The following FNDC11 variants were observed in gnomAD, a reference collection of about 807,000 sequenced individuals.
The protein encoded by FNDC11 is fibronectin type III domain-containing protein 11.
Under a neutral mutation model 15.8 loss-of-function variants are expected in FNDC11, and 15 were observed. That is an observed-to-expected ratio of 0.95 (90% confidence interval 0.63 to 1.46). The LOEUF is 1.46. Among genes scored for constraint, FNDC11 ranks in the 40% most tolerant of loss-of-function variants. The pLI, the probability that FNDC11 is intolerant of heterozygous loss-of-function variation, is 0.00. For synonymous variants in FNDC11, 190 were observed against 203.1 expected (o/e 0.94, Z 0.55); for missense variants, 416 against 443.4 (o/e 0.94, Z 0.55).
upstream of FNDC11, chr20:63,553,097 T>G (rs750077903): frequency 1.3e-5 from 2 of 152,256 alleles, no homozygotes; most frequent in Non-Finnish European, 2.9e-5. Flanking sequence ...AGCATCTTCC[T>G]GAAGGTGAAG....
At chr20:63,554,710 T>TC (rs936770172) in intron 1 of FNDC11, 1 of 152,204 alleles carries the variant, frequency 6.6e-6, no homozygotes, top group Non-Finnish European at 1.5e-5. Context: ...GGGCAACCCT[T>TC]CCCGGGCAGA....
Position 63,556,676 on chromosome 20 carries a change from G to C in FNDC11, c.*56G>C. On this transcript the variant is annotated 3_prime_UTR_variant, in exon 2 of 2. Coordinates refer to ENST00000370097, the MANE Select transcript of FNDC11 (RefSeq NM_001319152.2). Reference sequence around the variant, plus strand: ...AAAGAAGAGTGTAAATGCACATATGGAATTAAAGAAGCAAACCTATTTATG... The same window carrying C: ...AAAGAAGAGTGTAAATGCACATATGCAATTAAAGAAGCAAACCTATTTATG... 1.4e-6 allele frequency: 2 copies of C among 1,475,124 alleles called. No homozygotes were observed. Among genetic ancestry groups the C allele is most frequent in the Admixed American group, 4.0e-5 (2 of 50,350 alleles). The allele number at this position is 1,475,124 out of a possible 1,614,324, so 91.4% of individuals were successfully genotyped here. A position where few individuals can be genotyped will look rare whatever the true frequency, so the allele number is the denominator to read the frequency against.
chr20:63,553,073 G>A (rs1408202752), upstream of FNDC11: 3 of 152,318 alleles, frequency 2.0e-5, no homozygotes, highest in Admixed American at 2.0e-4. Flanking sequence ...AGGATGGAAA[G>A]GGTGTCTTCC....
In FNDC11 at chr20:63,555,960, G is replaced by A; in HGVS notation, c.297G>A (p.Leu99=). The A allele has an allele frequency of 1.2e-6, 2 of 1,602,360 alleles. No individual in the cohort carries two copies. Among genetic ancestry groups the A allele is most frequent in the Non-Finnish European group, 1.7e-6 (2 of 1,179,950 alleles). The stretch of plus-strand genomic sequence containing the variant: ...ACCCGCTGGTGCTGCCTAGCGCCTT[G>A]TTCCAGCTCATCGACCCCTGGAAGT... ...DQNPLVLPSA[L]FQLIDPWKFQ... is the part of the protein sequence containing the mutation. Residue 99 remains leucine (L), a synonymous_variant, in exon 2 of 2, where the codon TTG becomes TTA. Coordinates refer to ENST00000370097, the MANE Select transcript of FNDC11 (RefSeq NM_001319152.2).
At position 63,556,126 on chromosome 20, in the gene FNDC11, G is replaced by A. The variant is rs779835677; in HGVS notation, c.463G>A (p.Asp155Asn). The A allele has an allele frequency of 1.6e-5, 26 of 1,594,758 alleles. No individual in the cohort carries two copies. The highest frequency in any genetic ancestry group is 6.7e-5 in the East Asian group (3 of 44,648). ...GCCAGACCCACGGCCCTTCCTGGCC[G>A]ACTGGGCGCTGGTGGAGCGGCGGCT... ...RSPDPRPFLA[D>N]WALVERRLAD... Residue 155 changes from aspartate (D) to asparagine (N), a missense_variant, in exon 2 of 2, where the codon GAC (aspartate) becomes AAC (asparagine). Physicochemically the swap from Asp to Asn is conservative, Grantham distance 23 (BLOSUM62 1). Transcript: ENST00000370097.
chr20:63,556,203 G>T lies in FNDC11; in HGVS notation c.540G>T (p.Gly180=), dbSNP rs201340663. 6.3e-7 allele frequency: 1 copy of T among 1,596,532 alleles called. No individual in the cohort carries two copies. Among genetic ancestry groups the T allele is most frequent in the East Asian group, 2.2e-5 (1 of 44,518 alleles). Residue 180 remains glycine (G), a synonymous_variant, in exon 2 of 2, where the codon GGG becomes GGT. Coordinates refer to ENST00000370097, the MANE Select transcript of FNDC11 (RefSeq NM_001319152.2). Reference sequence around the variant, plus strand: ...GCTTCCTGACCATGATGGTGCCGGGGCGGCTACACGTCAAGCACCGCCTGG... The same window carrying T: ...GCTTCCTGACCATGATGGTGCCGGGTCGGCTACACGTCAAGCACCGCCTGG... ...MDSFLTMMVP[G]RLHVKHRLVS... is the part of the protein sequence containing the mutation.
chr20:63,556,467 C>G lies in FNDC11; in HGVS notation c.804C>G (p.Phe268Leu), dbSNP rs558059079. ...TCATCCCCGTGGCTGCCTGCACCTT[C>G]GACGTCCGAAACCTGCTGCCCAACC... ...CGVIPVAACT[F>L]DVRNLLPNRS... Residue 268 changes from phenylalanine (F) to leucine (L), a missense_variant, in exon 2 of 2, where the codon TTC becomes TTG. Physicochemically the swap from Phe to Leu is conservative, Grantham distance 22 (BLOSUM62 0). Transcript: ENST00000370097. The G allele has an allele frequency of 6.2e-7, 1 of 1,613,562 alleles. No homozygotes were observed. The highest frequency in any genetic ancestry group is 2.2e-5 in the East Asian group (1 of 44,880).
Position 63,554,294 on chromosome 20 carries a change from G to A in FNDC11, c.-11+88G>A, listed in dbSNP as rs571752954. The A allele has an allele frequency of 5.6e-4, 86 of 153,184 alleles. 1 individual carries two copies. Among genetic ancestry groups the A allele is most frequent in the South Asian group, 2.3e-3 (12 of 5,186 alleles). The allele number at this position is 153,184 out of a possible 1,614,324, so 9.5% of individuals were successfully genotyped here. A position where few individuals can be genotyped will look rare whatever the true frequency, so the allele number is the denominator to read the frequency against. On this transcript the variant is annotated intron_variant, in intron 1 of 1. Coordinates refer to ENST00000370097, the MANE Select transcript of FNDC11 (RefSeq NM_001319152.2). ...AAGGTAAGGGGCAGGCAGAGCGGCC[G>A]GGGAGGTGGGCCCGGGCCAGGGGAG...
In FNDC11 at chr20:63,555,236, G is replaced by T. The variant is rs984777718; in HGVS notation, c.-10-418G>T. On this transcript the variant is annotated intron_variant, in intron 1 of 1. Coordinates refer to ENST00000370097, the MANE Select transcript of FNDC11 (RefSeq NM_001319152.2). Reference sequence around the variant, plus strand: ...AGCGTCCCCAGGGAGAACCGGAGCGGGAGGATGGCCCGCGAATGTCCCCGA... The same window carrying T: ...AGCGTCCCCAGGGAGAACCGGAGCGTGAGGATGGCCCGCGAATGTCCCCGA... 5.6e-5 allele frequency: 10 copies of T among 177,590 alleles called. No homozygotes were observed. In the East Asian group the frequency reaches 1.4e-3, roughly 25 times the overall value. 11.0% of individuals were successfully genotyped at this position (177,590 alleles called of 1,614,324 possible). A position where few individuals can be genotyped will look rare whatever the true frequency, so the allele number is the denominator to read the frequency against.
upstream of FNDC11, among the ~76,000 whole-genome samples, chr20:63,553,341 G>GGTGGGAGGAGCCTGTA (rs6147413): frequency 7.9e-5 from 12 of 151,240 alleles, no homozygotes; most frequent in African/African-American, 2.7e-4. Flanking sequence ...AGGAGCCCAT[G>GGTGGGAGGAGCCTGTA]GTGGGAGGAG....
At chr20:63,555,527 C>T (rs2082799225) in intron 1 of FNDC11, 127 bp from the exon 2 acceptor site, 2 of 1,402,650 alleles carry the variant, frequency 1.4e-6, no homozygotes, top group Non-Finnish European at 1.9e-6. Context: ...CTCTTCCCAT[C>T]GAGTTGTGCC....
At position 63,556,231 on chromosome 20, in the gene FNDC11, T is replaced by G. The variant is rs557537793; in HGVS notation, c.568T>G (p.Ser190Ala). ...GCTACACGTCAAGCACCGCCTGGTG[T>G]CTGATGTCAGTGCCACCAAGATCCC... ...GRLHVKHRLV[S>A]DVSATKIPHI... Residue 190 changes from serine (S) to alanine (A), a missense_variant, in exon 2 of 2, where the codon TCT (serine) becomes GCT (alanine). Coordinates refer to ENST00000370097, the MANE Select transcript of FNDC11 (RefSeq NM_001319152.2). 1 of 1,594,234 alleles carries G rather than the reference T, an allele frequency of 6.3e-7. No homozygotes were observed. The highest frequency in any genetic ancestry group is 2.2e-5 in the East Asian group (1 of 44,450).
chr20:63,556,543 G>A lies in FNDC11; in HGVS notation c.880G>A (p.Glu294Lys), dbSNP rs767737741. The A allele has an allele frequency of 4.1e-5, 66 of 1,613,514 alleles. No homozygotes were observed. Among genetic ancestry groups the A allele is most frequent in the Middle Eastern group, 1.6e-4 (1 of 6,062 alleles). ...GGCCGAGACCTCCACGCTGGTGTAC[G>A]AGCCCTGGAGGGACAGCCTCACCCT... Reference protein sequence around the residue: ...KRAETSTLVYEPWRDSLTLHT... With the variant: ...KRAETSTLVYKPWRDSLTLHT... The change falls in exon 2 of 2, where the codon GAG (glutamate) becomes AAG (lysine). Residue 294 changes from glutamate to lysine, a missense_variant. Physicochemically the swap from Glu to Lys is moderately conservative, Grantham distance 56. Coordinates refer to ENST00000370097, the MANE Select transcript of FNDC11 (RefSeq NM_001319152.2).
At chr20:63,553,999 A>C (rs919077514), upstream of FNDC11, 1 of 152,188 alleles carries the variant, frequency 6.6e-6, no homozygotes, top group African/African-American at 2.4e-5. Context: ...GTGGCCCCTC[A>C]GTCGGGGACG....
rs2082801840 is a variant in FNDC11, at chr20:63,555,763, G to C, written c.100G>C (p.Glu34Gln). 6.2e-7 allele frequency: 1 copy of C among 1,613,462 alleles called. No homozygotes were observed. The highest frequency in any genetic ancestry group is 8.5e-7 in the Non-Finnish European group (1 of 1,180,044). Residue 34 changes from glutamate (E) to glutamine (Q), a missense_variant, in exon 2 of 2, where the codon GAA (glutamate) becomes CAA (glutamine). By Grantham distance (29) the Glu-to-Gln change is conservative (BLOSUM62 2). Coordinates refer to ENST00000370097, the MANE Select transcript of FNDC11 (RefSeq NM_001319152.2). ...GGAGGCAGATGACCAGCAGCTGCTG[G>C]AACCAGAGGCGTGGAAGACCTACAC... ...QEEADDQQLL[E>Q]PEAWKTYTER...
At chr20:63,553,520 A>G (rs1257063720), upstream of FNDC11, among the ~76,000 whole-genome samples, 1 of 62,304 alleles carries the variant, frequency 1.6e-5, no homozygotes, top group African/African-American at 5.1e-5. Flanking sequence ...CTGCTCTGGG[A>G]GGAGCCTGTG....
Position 63,556,101 on chromosome 20 carries a change from G to T in FNDC11, c.438G>T (p.Ser146=). Residue 146 remains serine (S), a synonymous_variant, in exon 2 of 2, where the codon TCG becomes TCT. Transcript: ENST00000370097. ...GRAELDALLR[S]PDPRPFLADW... is the part of the protein sequence containing the mutation. Reference sequence around the variant, plus strand: ...CTGAGCTGGATGCCCTGCTCCGGTCGCCAGACCCACGGCCCTTCCTGGCCG... The same window carrying T: ...CTGAGCTGGATGCCCTGCTCCGGTCTCCAGACCCACGGCCCTTCCTGGCCG... The T allele has an allele frequency of 6.3e-7, 1 of 1,595,528 alleles. No individual in the cohort carries two copies.
chr20:63,556,560 C>A lies in FNDC11; in HGVS notation c.897C>A (p.Ser299Arg). The A allele has an allele frequency of 6.2e-7, 1 of 1,613,416 alleles. No homozygotes were observed. Among genetic ancestry groups the A allele is most frequent in the Non-Finnish European group, 8.5e-7 (1 of 1,180,034 alleles). ...TGGTGTACGAGCCCTGGAGGGACAG[C>A]CTCACCCTGCACACCAAGCCGGAGC... The part of the protein sequence containing the change: ...STLVYEPWRD[S>R]LTLHTKPEPL... The change falls in exon 2 of 2, where the codon AGC becomes AGA. Residue 299 changes from serine to arginine, a missense_variant. Coordinates refer to ENST00000370097, the MANE Select transcript of FNDC11 (RefSeq NM_001319152.2).
chr20:63,555,759 G>A lies in FNDC11; in HGVS notation c.96G>A (p.Leu32=). The change falls in exon 2 of 2, where the codon CTG becomes CTA. Residue 32 remains leucine (L), a synonymous_variant. Transcript: ENST00000370097. Reference sequence around the variant, plus strand: ...AGGAGGAGGCAGATGACCAGCAGCTGCTGGAACCAGAGGCGTGGAAGACCT... The same window carrying A: ...AGGAGGAGGCAGATGACCAGCAGCTACTGGAACCAGAGGCGTGGAAGACCT... ...LDQEEADDQQ[L]LEPEAWKTYT... 3.1e-6 allele frequency: 5 copies of A among 1,613,318 alleles called. No individual in the cohort carries two copies. The highest frequency in any genetic ancestry group is 3.4e-6 in the Non-Finnish European group (4 of 1,180,026).
Sources: allele counts gnomAD v4.1 joint callset (sites outside exome capture counted in the v4.1 genomes callset), GRCh38; gene constraint gnomAD v4.1.1; transcripts MANE v1.5; gene names NCBI Gene and HGNC (gene_info 2026-07-23, HGNC 2026-07-21).